The following NPNT variants were observed in gnomAD, a reference collection of about 807,000 sequenced individuals.
The protein encoded by NPNT is nephronectin.
Under a neutral mutation model 68.6 loss-of-function variants are expected in NPNT, and 45 were observed. That is an observed-to-expected ratio of 0.66 (90% CI 0.52 to 0.84). NPNT has a LOEUF of 0.84. NPNT is among the 40% of genes least tolerant of loss of function. The pLI, the probability that NPNT is intolerant of heterozygous loss-of-function variation, is 0.00. For synonymous variants in NPNT, 233 were observed against 253.3 expected, an observed-to-expected ratio of 0.92 and a Z score of 0.76; for missense variants, 672 against 714.8, an observed-to-expected ratio of 0.94 and a Z score of 0.68.
intron 4 of NPNT, among the ~76,000 whole-genome samples, chr4:105,937,776 T>A (rs1663336169): frequency 6.6e-6 from 1 of 152,158 alleles, no homozygotes; most frequent in South Asian, 2.1e-4. Context: ...ACTCCTGAAT[T>A]GTGGTATTCA....
chr4:105,970,568 CA>C lies in NPNT; in HGVS notation c.*1580del, dbSNP rs1186347755. 1.5e-6 allele frequency: 1 copy of C among 678,424 alleles called. No individual in the cohort carries two copies. Among genetic ancestry groups the C allele is most frequent in the Non-Finnish European group, 2.7e-6 (1 of 368,778 alleles). 42.0% of individuals were successfully genotyped at this position (678,424 alleles called of 1,614,324 possible). ...TTCTCCATATGCACTAAGAATAGAACAAGAGGAAACTGGCTTAGACTAGAGT... is the reference window on the plus strand; with the variant it reads ...TTCTCCATATGCACTAAGAATAGAACAGAGGAAACTGGCTTAGACTAGAGT... On this transcript the variant is annotated 3_prime_UTR_variant, in exon 12 of 12. Transcript: ENST00000379987.
chr4:105,927,343 C>T lies in NPNT; in HGVS notation c.180C>T (p.Cys60=). 1 of 1,609,160 alleles carries T rather than the reference C, an allele frequency of 6.2e-7. No individual in the cohort carries two copies. Among genetic ancestry groups the T allele is most frequent in the South Asian group, 1.1e-5 (1 of 90,802 alleles). ...RQSWGQCQPV[C]QPRCKHGECI... ...GCCATCTTCTTTTCACAGCTGTGTGCCAACCACGATGCAAACATGGTGAAT... is the reference window on the plus strand; with the variant it reads ...GCCATCTTCTTTTCACAGCTGTGTGTCAACCACGATGCAAACATGGTGAAT... Residue 60 remains cysteine, a synonymous_variant, in exon 3 of 12, where the codon TGC becomes TGT. Transcript: ENST00000379987.
chr4:105,926,429 G>A (rs1360387872), intron 2 of NPNT, among the ~76,000 whole-genome samples: 1 of 152,030 alleles, frequency 6.6e-6, no homozygotes, highest in Non-Finnish European at 1.5e-5. Flanking sequence ...TTGTTGTGGC[G>A]GGTTGTCTGA....
intron 8 of NPNT, among the ~76,000 whole-genome samples, chr4:105,953,760 C>T (rs1731010552): frequency 6.6e-6 from 1 of 152,202 alleles, no homozygotes; most frequent in African/African-American, 2.4e-5. Flanking sequence ...CTTCAATGAA[C>T]TAAACTCCTA....
At position 105,967,316 on chromosome 4, in the gene NPNT, C is replaced by G; in HGVS notation, c.1474C>G (p.Leu492Val). The stretch of plus-strand genomic sequence containing the variant: ...GTCATTCAGGCACAAGGTGACGGGG[C>G]TGCACTCTGGCACACTCCAGGTGTT... ...CLSFRHKVTG[L>V]HSGTLQVFVR... Residue 492 changes from leucine to valine, a missense_variant, in exon 11 of 12, where the codon CTG becomes GTG. Physicochemically the swap from Leu to Val is conservative, Grantham distance 32. Transcript: ENST00000379987. The G allele has an allele frequency of 2.5e-6, 4 of 1,613,792 alleles. No homozygotes were observed. The highest frequency in any genetic ancestry group is 3.4e-6 in the Non-Finnish European group (4 of 1,179,872).
At chr4:105,927,474 T>C (rs1728778153) in intron 3 of NPNT, 46 bp downstream of exon 3, 2 of 1,135,964 alleles carry the variant, frequency 1.8e-6, no homozygotes, top group Non-Finnish European at 2.6e-6. Context: ...GACACCTCTA[T>C]CACTCCCAAA....
intron 11 of NPNT, among the ~76,000 whole-genome samples, chr4:105,968,162 A>G (rs1732320325): frequency 6.6e-6 from 1 of 152,252 alleles, no homozygotes; most frequent in Admixed American, 6.5e-5. Flanking sequence ...GTATGTAGGT[A>G]TAGTTTATAA....
Position 105,932,350 on chromosome 4 carries a change from A to T in NPNT, c.266-4659A>T, listed in dbSNP as rs1012952236. ...GATGATCTCTTGTTTGGAATTTTTT[A>T]AAAAATTGTATGACGATGGATTGTT... On this transcript the variant is annotated intron_variant, in intron 3 of 11. Coordinates refer to ENST00000379987, the MANE Select transcript of NPNT (RefSeq NM_001033047.3). Among the ~76,000 whole-genome samples, 138 of 152,290 alleles carry T rather than the reference A, an allele frequency of 9.1e-4. 1 individual carries two copies. The highest frequency in any genetic ancestry group is 2.7e-3 in the Admixed American group (42 of 15,292).
chr4:105,955,348 C>T (rs1731136969), intron 8 of NPNT, among the ~76,000 whole-genome samples: 1 of 152,136 alleles, frequency 6.6e-6, no homozygotes, highest in Non-Finnish European at 1.5e-5. Context: ...AAATAGCTCC[C>T]TTGAAATCAA....
chr4:105,951,300 G>A (rs1434278912), intron 8 of NPNT, among the ~76,000 whole-genome samples: 2 of 152,200 alleles, frequency 1.3e-5, no homozygotes, highest in African/African-American at 4.8e-5. Context: ...CAGAGAACCA[G>A]CCTCATTGTT....
chr4:105,931,909 T>C (rs1281636199), intron 3 of NPNT, among the ~76,000 whole-genome samples: 1 of 152,198 alleles, frequency 6.6e-6, no homozygotes, highest in African/African-American at 2.4e-5. Flanking sequence ...TTTAACTGGC[T>C]ATTAATAACA....
At position 105,947,703 on chromosome 4, in the gene NPNT, C is replaced by T. The variant is rs143579945; in HGVS notation, c.1159+5001C>T. 9.8e-3 allele frequency among the ~76,000 whole-genome samples: 1,494 copies of T among 152,246 alleles called. 7 individuals are homozygous for T. Among genetic ancestry groups the T allele is most frequent in the South Asian group, 0.013 (63 of 4,822 alleles). On this transcript the variant is annotated intron_variant, in intron 8 of 11. Coordinates refer to ENST00000379987, the MANE Select transcript of NPNT (RefSeq NM_001033047.3). ...GCCCAATAATTTATATTTTATTAAT[C>T]TTTTCTTAGAAATGCTTTTTTTCAA...
rs772227664 is a variant in NPNT, at chr4:105,942,307, A to G, written c.764A>G (p.Tyr255Cys). 1.3e-6 allele frequency: 2 copies of G among 1,586,272 alleles called. No individual in the cohort carries two copies. Among genetic ancestry groups the G allele is most frequent in the Non-Finnish European group, 1.7e-6 (2 of 1,162,300 alleles). ...TGATTTAAGTCTTTGACTCTTTCAG[A>G]TATCCCAAAAGTTATGATTGAACCT... is the stretch of plus-strand genomic sequence containing the variant. ...GYQGDGLTCVYIPKVMIEPSG... is the reference protein window; with the variant it reads ...GYQGDGLTCVCIPKVMIEPSG... The change falls in exon 8 of 12, where the codon TAT becomes TGT. Residue 255 changes from tyrosine to cysteine, a missense_variant and splice_region_variant. Physicochemically the swap from Tyr to Cys is radical, Grantham distance 194. Coordinates refer to ENST00000379987, the MANE Select transcript of NPNT (RefSeq NM_001033047.3).
Position 105,970,218 on chromosome 4 carries a change from A to G in NPNT, c.*1228A>G, listed in dbSNP as rs1246863301. 1 of 562,304 alleles carries G rather than the reference A, an allele frequency of 1.8e-6. No individual in the cohort carries two copies. The highest frequency in any genetic ancestry group is 3.2e-6 in the Non-Finnish European group (1 of 313,880). The allele number at this position is 562,304 out of a possible 1,614,324, so 34.8% of individuals were successfully genotyped here. ...GAACGGGATTTACACACACTGGAGG[A>G]GCAGGGCAAGTTGGAATTCTAAGAT... On this transcript the variant is annotated 3_prime_UTR_variant, in exon 12 of 12. Coordinates refer to ENST00000379987, the MANE Select transcript of NPNT (RefSeq NM_001033047.3).
chr4:105,920,621 C>T (rs138705104), intron 2 of NPNT, among the ~76,000 whole-genome samples: 1 of 151,810 alleles, frequency 6.6e-6, no homozygotes, highest in African/African-American at 2.4e-5. Context: ...TAAAAGCTAA[C>T]TTGAGATGCA....
chr4:105,949,207 A>G (rs578015390), intron 8 of NPNT, among the ~76,000 whole-genome samples: 8 of 152,330 alleles, frequency 5.3e-5, no homozygotes, highest in Non-Finnish European at 8.8e-5. Flanking sequence ...GGACTTCTCA[A>G]TACTCCAATG....
In NPNT at chr4:105,967,305, A is replaced by G. The variant is rs1732235885; in HGVS notation, c.1463A>G (p.Lys488Arg). The change falls in exon 11 of 12, where the codon AAG (lysine) becomes AGG (arginine). Residue 488 changes from lysine to arginine, a missense_variant. Physicochemically the swap from Lys to Arg is conservative, Grantham distance 26. Transcript: ENST00000379987. ...SGDLCLSFRH[K>R]VTGLHSGTLQ... ...GACCTGTGCCTGTCATTCAGGCACA[A>G]GGTGACGGGGCTGCACTCTGGCACA... 8 of 1,614,012 alleles carry G rather than the reference A, an allele frequency of 5.0e-6. No individual in the cohort carries two copies. The highest frequency in any genetic ancestry group is 6.8e-6 in the Non-Finnish European group (8 of 1,179,986).
intron 2 of NPNT, among the ~76,000 whole-genome samples, chr4:105,920,497 C>G (rs1171267824): frequency 6.6e-6 from 1 of 150,494 alleles, no homozygotes; most frequent in Non-Finnish European, 1.5e-5. Context: ...AAATTCCCCT[C>G]TAGCACAATG....
At position 105,958,906 on chromosome 4, in the gene NPNT, G is replaced by A. The variant is rs1175260060; in HGVS notation, c.1247-122G>A. ...TAATTTCCCTTTGGTCTTATGGAAA[G>A]AAGCTCTGGTTATATGGATAGGAGA... On this transcript the variant is annotated intron_variant, in intron 9 of 11. Transcript: ENST00000379987. 7.7e-6 allele frequency: 5 copies of A among 646,086 alleles called. No individual in the cohort carries two copies. The Admixed American group carries it at 1.1e-4, about 14-fold the overall frequency. 40.0% of individuals were successfully genotyped at this position (646,086 alleles called of 1,614,324 possible).
Sources: gnomAD v4.1 joint callset for allele counts (sites outside exome capture counted in the v4.1 genomes callset) on GRCh38, gnomAD v4.1.1 for gene constraint, MANE v1.5 for transcripts, NCBI Gene and HGNC (gene_info 2026-07-23, HGNC 2026-07-21) for gene names.